Variants in SLC39A11 observed in about 807,000 individuals in gnomAD.
The protein encoded by SLC39A11 is zinc transporter ZIP11.
In SLC39A11, 33 loss-of-function variants were observed where a neutral mutation model predicts 36.1. The observed-to-expected ratio is 0.91, with a 90% CI of 0.69 to 1.22. The LOEUF (loss-of-function observed/expected upper bound fraction) is 1.22. Among genes scored for constraint, SLC39A11 ranks in the 50% most tolerant of loss-of-function variants. SLC39A11 has a pLI of 0.00. For synonymous variants in SLC39A11, 166 were observed against 170.3 expected (o/e 0.97, Z 0.20); for missense variants, 432 against 430.3 (o/e 1.00, Z -0.03).
At chr17:72,794,637 T>A (rs1035256447) in intron 6 of SLC39A11, among the ~76,000 whole-genome samples, 1 of 151,980 alleles carries the variant, frequency 6.6e-6, no homozygotes, top group African/African-American at 2.4e-5. Context: ...ATTAGCACCT[T>A]ACTTGTGCAG....
chr17:72,892,728 C>T (rs1462208802), intron 5 of SLC39A11, among the ~76,000 whole-genome samples: 1 of 152,116 alleles, frequency 6.6e-6, no homozygotes, highest in African/African-American at 2.4e-5. Flanking sequence ...ACAATTGGTC[C>T]ACAATCCAAC....
At chr17:73,008,154 G>GT (rs888229456) in intron 4 of SLC39A11, among the ~76,000 whole-genome samples, 3,561 of 96,444 alleles carry the variant, frequency 0.037, 142 homozygotes, top group East Asian at 0.19. Flanking sequence ...GGGGTTTGTT[G>GT]TTTTTTTTTT....
intron 6 of SLC39A11, among the ~76,000 whole-genome samples, chr17:72,842,051 CAGAG>C (rs1464002946): frequency 2.0e-5 from 3 of 149,384 alleles, no homozygotes; most frequent in African/African-American, 7.4e-5. Context: ...GCCTGAGTGA[CAGAG>C]AGAGATCTTG....
intron 3 of SLC39A11, among the ~76,000 whole-genome samples, chr17:73,053,126 C>A (rs535873482): frequency 6.6e-6 from 1 of 152,264 alleles, no homozygotes; most frequent in African/African-American, 2.4e-5. Flanking sequence ...ACGGAGGCTA[C>A]AGTGAGCCAA....
chr17:72,762,516 T>C (rs934935965), intron 6 of SLC39A11, among the ~76,000 whole-genome samples: 4 of 152,192 alleles, frequency 2.6e-5, no homozygotes, highest in African/African-American at 9.6e-5. Context: ...TTGTTTAGCA[T>C]ATAATCAAGA....
rs780928823 is a variant in SLC39A11 at position 73,088,293 on chromosome 17, C to CCAAAAAAA, written c.108+363_108+364insTTTTTTTG. 9.1e-5 allele frequency among the ~76,000 whole-genome samples: 6 copies of CCAAAAAAA among 65,972 alleles called. 1 individual carries two copies. Among genetic ancestry groups the CCAAAAAAA allele is most frequent in the Non-Finnish European group, 1.8e-4 (5 of 28,190 alleles). The allele number at this position is 65,972 out of a possible 152,430, so 43.3% of individuals were successfully genotyped here. On this transcript the variant is annotated intron_variant, in intron 2 of 9. Transcript: ENST00000255559. The stretch of plus-strand genomic sequence containing the variant: ...TGGGCAACAGAGCAAGATTCTGTCT[C>CCAAAAAAA]AAAAAAAAAAAGAAAAAAGAAAAAA...
chr17:72,733,490 T>C (rs1233397866), intron 7 of SLC39A11, among the ~76,000 whole-genome samples: 2 of 152,132 alleles, frequency 1.3e-5, no homozygotes, highest in Non-Finnish European at 2.9e-5. Context: ...GCTCAGAAGA[T>C]AAGCTAAGCA....
intron 6 of SLC39A11, among the ~76,000 whole-genome samples, chr17:72,739,754 C>T (rs930397599): frequency 1.3e-5 from 2 of 152,132 alleles, no homozygotes; most frequent in African/African-American, 4.8e-5. Context: ...ACCACCAGAG[C>T]AACCAGGCTT....
chr17:72,866,779 G>A (rs763809103), intron 5 of SLC39A11, among the ~76,000 whole-genome samples: 14 of 152,156 alleles, frequency 9.2e-5, no homozygotes, highest in Non-Finnish European at 2.1e-4. Context: ...CAAAGGAAAT[G>A]GACATTTCTA....
At chr17:72,701,977 C>A (rs951283867) in intron 7 of SLC39A11, among the ~76,000 whole-genome samples, 4 of 152,104 alleles carry the variant, frequency 2.6e-5, no homozygotes, top group African/African-American at 9.7e-5. Flanking sequence ...GTGGTGGTGC[C>A]TGCCTGTAGT....
At chr17:72,701,761 AAG>A (rs2072640246) in intron 7 of SLC39A11, among the ~76,000 whole-genome samples, 3 of 140,586 alleles carry the variant, frequency 2.1e-5, no homozygotes, top group African/African-American at 7.7e-5. Flanking sequence ...AAGAGAAAGA[AAG>A]AAAGAGAAAG....
At chr17:72,879,215 T>C (rs1296729209) in intron 5 of SLC39A11, among the ~76,000 whole-genome samples, 1 of 152,230 alleles carries the variant, frequency 6.6e-6, no homozygotes, top group Non-Finnish European at 1.5e-5. Context: ...GATTTAAGCC[T>C]GAATCATTAA....
chr17:72,922,253 G>A (rs996488641), intron 5 of SLC39A11, among the ~76,000 whole-genome samples: 3 of 152,154 alleles, frequency 2.0e-5, no homozygotes, highest in African/African-American at 7.2e-5. Flanking sequence ...CAAATCTCCC[G>A]AAGACAGTTT....
intron 6 of SLC39A11, among the ~76,000 whole-genome samples, chr17:72,776,610 G>A (rs1475214923): frequency 4.8e-4 from 57 of 119,794 alleles, no homozygotes; most frequent in Admixed American, 1.0e-3. Context: ...ACTTTGCATG[G>A]AAAAAAAAAA....
chr17:73,003,290 C>T (rs142950306), intron 4 of SLC39A11, among the ~76,000 whole-genome samples: 16 of 152,314 alleles, frequency 1.1e-4, no homozygotes, highest in South Asian at 2.1e-4. Flanking sequence ...CCCAGCTTGA[C>T]GGGCCGGGAA....
At chr17:72,656,260 G>T (rs1238385486) in intron 7 of SLC39A11, among the ~76,000 whole-genome samples, 1 of 152,146 alleles carries the variant, frequency 6.6e-6, no homozygotes, top group Non-Finnish European at 1.5e-5. Context: ...GTAGCACAAA[G>T]ACACTATTAC....
At chr17:72,897,437 A>C (rs947182319) in intron 5 of SLC39A11, among the ~76,000 whole-genome samples, 2 of 152,240 alleles carry the variant, frequency 1.3e-5, no homozygotes, top group Non-Finnish European at 1.5e-5. Flanking sequence ...TGGTACAAAC[A>C]GAACTTTTCT....
chr17:72,692,079 C>T (rs188299352), intron 7 of SLC39A11, among the ~76,000 whole-genome samples: 44 of 151,176 alleles, frequency 2.9e-4, no homozygotes, highest in Middle Eastern at 3.4e-3. Flanking sequence ...GGCGCGATCT[C>T]GGCTCACTGC....
intron 7 of SLC39A11, among the ~76,000 whole-genome samples, chr17:72,668,203 A>G (rs1025121530): frequency 7.0e-6 from 1 of 142,218 alleles, no homozygotes; most frequent in African/African-American, 2.7e-5. Context: ...AGAATCTTTT[A>G]AAAAAAAAAA....
Sources: gnomAD v4.1 joint callset for allele counts (sites outside exome capture counted in the v4.1 genomes callset) on GRCh38, gnomAD v4.1.1 for gene constraint, MANE v1.5 for transcripts, NCBI Gene and HGNC (gene_info 2026-07-23, HGNC 2026-07-21) for gene names.